TRPM2: variants seen among roughly 807,000 people sequenced by gnomAD.
TRPM2 encodes the protein estrogen-responsive element-associated gene 1 protein.
Under a neutral mutation model 174.0 loss-of-function variants are expected in TRPM2, and 161 were observed. The ratio of observed to expected loss-of-function variants is 0.93; its 90% CI spans 0.81 to 1.05. The LOEUF is 1.05. Among genes scored for constraint, TRPM2 ranks in the 50% least tolerant of loss-of-function variants. The pLI is 0.00. For synonymous variants in TRPM2, 954 were observed against 861.3 expected, an observed-to-expected ratio of 1.11 and a Z score of -1.88; for missense variants, 2,057 against 2,038.0, an observed-to-expected ratio of 1.01 and a Z score of -0.18.
chr21:44,355,785 C>G (rs145873779), intron 2 of TRPM2, among the ~76,000 whole-genome samples: 1 of 151,634 alleles, frequency 6.6e-6, no homozygotes, highest in African/African-American at 2.4e-5. Context: ...CTAGTGTACT[C>G]GGTACATCAT....
chr21:44,425,049 A>G, intron 24 of TRPM2, 110 bp downstream of exon 24: 1 of 974,042 alleles, frequency 1.0e-6, no homozygotes, highest in Middle Eastern at 3.3e-4. Flanking sequence ...TCCAGGAGGA[A>G]GGCACTGGCT....
chr21:44,357,622 C>T (rs2048097314), intron 2 of TRPM2, among the ~76,000 whole-genome samples: 1 of 152,238 alleles, frequency 6.6e-6, no homozygotes, highest in Non-Finnish European at 1.5e-5. Flanking sequence ...CCAGGGCGTG[C>T]ATCCTGCGCT....
intron 22 of TRPM2, chr21:44,422,234 A>T: frequency 6.5e-7 from 1 of 1,532,068 alleles, no homozygotes; most frequent in Non-Finnish European, 8.7e-7. Context: ...TGCAGCACTG[A>T]GGTGAGCTGA....
chr21:44,380,357 T>A (rs1441182895), intron 8 of TRPM2, among the ~76,000 whole-genome samples: 1 of 152,194 alleles, frequency 6.6e-6, no homozygotes, highest in African/African-American at 2.4e-5. Flanking sequence ...GCCGCTCAGC[T>A]CCCCATGTCA....
rs1433617780 is a variant in TRPM2, at chr21:44,436,793, C to A, written c.4062-269C>A. ...AAGCTGGGTCAAAGGGCAGGTACCTCTCTAAGGATTTTAATGTTTAAAAAA... is the reference window on the plus strand; with the variant it reads ...AAGCTGGGTCAAAGGGCAGGTACCTATCTAAGGATTTTAATGTTTAAAAAA... On this transcript the variant is annotated intron_variant, in intron 28 of 31. Coordinates refer to ENST00000397928, the MANE Select transcript of TRPM2 (RefSeq NM_003307.4). Among the ~76,000 whole-genome samples the A allele has an allele frequency of 2.6e-5, 4 of 152,068 alleles. No homozygotes were observed. In the East Asian group the frequency reaches 5.8e-4, roughly 22 times the overall value.
At chr21:44,392,850 C>T (rs2049226374) in intron 11 of TRPM2, among the ~76,000 whole-genome samples, 1 of 152,154 alleles carries the variant, frequency 6.6e-6, no homozygotes, top group African/African-American at 2.4e-5. Context: ...ACAGTCAGGT[C>T]AGTAACATTC....
At chr21:44,400,462 G>A (rs1370515660) in intron 15 of TRPM2, 91 bp downstream of exon 15, 15 of 1,101,374 alleles carry the variant, frequency 1.4e-5, no homozygotes, top group Admixed American at 2.2e-5. Context: ...AGATCCCCTC[G>A]CTGGGAGCAA....
intron 2 of TRPM2, among the ~76,000 whole-genome samples, chr21:44,362,761 C>T (rs1273326687): frequency 6.6e-6 from 1 of 151,934 alleles, no homozygotes; most frequent in Non-Finnish European, 1.5e-5. Context: ...TCCAAACTTC[C>T]TGTCTTTTCT....
rs77821261 is a variant in TRPM2, at chr21:44,379,454, C to T, written c.1215+257C>T. Among the ~76,000 whole-genome samples the T allele has an allele frequency of 2.5e-3, 375 of 152,178 alleles. 3 individuals are homozygous for T. Among genetic ancestry groups the T allele is most frequent in the African/African-American group, 8.1e-3 (335 of 41,496 alleles). ...ACACCAGGGCGGGCTGGGAACGCTG[C>T]GGGGCTCAGTGGTGCTGTGAAAAGG... On this transcript the variant is annotated intron_variant, in intron 8 of 31. Transcript: ENST00000397928.
At chr21:44,441,043 G>A in intron 31 of TRPM2, 138 bp downstream of exon 31, 3 of 737,580 alleles carry the variant, frequency 4.1e-6, no homozygotes, top group Non-Finnish European at 4.7e-6. Flanking sequence ...CCTCCGGGGA[G>A]AGGGAAGGCG....
In TRPM2 at chr21:44,364,278, A is replaced by G. The variant is rs2048296634; in HGVS notation, c.419A>G (p.Lys140Arg). Reference sequence around the variant, plus strand: ...TTCACGGGCCTGAGCCAGAAGGTGAAAAAGGTTGGTTTCCATCACTCTCGC... The same window carrying G: ...TTCACGGGCCTGAGCCAGAAGGTGAGAAAGGTTGGTTTCCATCACTCTCGC... ...IVFTGLSQKV[K>R]KYVRVSQDTP... The change falls in exon 3 of 32, where the codon AAA becomes AGA. Residue 140 changes from lysine to arginine, a missense_variant. Lys to Arg is a conservative substitution (Grantham distance 26). Transcript: ENST00000397928. The G allele has an allele frequency of 1.2e-6, 2 of 1,614,122 alleles. No homozygotes were observed. Among genetic ancestry groups the G allele is most frequent in the Non-Finnish European group, 1.7e-6 (2 of 1,179,994 alleles).
intron 13 of TRPM2, 122 bp downstream of exon 13, chr21:44,397,998 C>T: frequency 8.2e-7 from 1 of 1,212,300 alleles, no homozygotes; most frequent in South Asian, 2.3e-5. Context: ...CCCTGGGCCT[C>T]AGCCCTGCAC....
intron 19 of TRPM2, among the ~76,000 whole-genome samples, chr21:44,409,765 A>G (rs2050032709): frequency 7.2e-6 from 1 of 138,134 alleles, no homozygotes; most frequent in South Asian, 2.4e-4. Context: ...GCCTTGTAGT[A>G]AGTTTTGACT....
In TRPM2 at chr21:44,425,469, C is replaced by T. The variant is rs896533992; in HGVS notation, c.3638-201C>T. On this transcript the variant is annotated intron_variant, in intron 24 of 31. Transcript: ENST00000397928. ...AAAGAGGCAGGTGCCGGCGGGGACG[C>T]TGCCTGAGCTCCCGTGGCTGTCCTC... is the stretch of plus-strand genomic sequence containing the variant. 19 of 525,780 alleles carry T rather than the reference C, an allele frequency of 3.6e-5. No individual in the cohort carries two copies. The African/African-American group carries it at 3.7e-4, about 10-fold the overall frequency. 32.6% of individuals were successfully genotyped at this position (525,780 alleles called of 1,614,324 possible). A position where few individuals can be genotyped will look rare whatever the true frequency, so the allele number is the denominator to read the frequency against.
chr21:44,405,147 CTA>C lies in TRPM2; in HGVS notation c.2546_2547del (p.Tyr849Ter). 6.2e-7 allele frequency: 1 copy of C among 1,613,464 alleles called. No homozygotes were observed. The highest frequency in any genetic ancestry group is 8.5e-7 in the Non-Finnish European group (1 of 1,179,906). On this transcript the variant is annotated frameshift_variant, in exon 17 of 32. Coordinates refer to ENST00000397928, the MANE Select transcript of TRPM2 (RefSeq NM_003307.4). LOFTEE classifies it high-confidence loss of function. ...ACCGCCCCTCTTCCCAGTAGCTCTT[CTA>C]TGACCCTGACGAGTGCGGGCTGATG... Reference protein sequence around the residue: ...LVCEEMRQLFYDPDECGLMKK... With the variant: ...LVCEEMRQLFXDPDECGLMKK...
chr21:44,371,598 G>A (rs961227477), intron 5 of TRPM2, among the ~76,000 whole-genome samples: 4 of 152,190 alleles, frequency 2.6e-5, no homozygotes, highest in Non-Finnish European at 5.9e-5. Context: ...CAAGAGTTCC[G>A]TAAGAACACT....
chr21:44,435,443 C>T (rs1003853192), intron 28 of TRPM2, among the ~76,000 whole-genome samples: 1 of 152,018 alleles, frequency 6.6e-6, no homozygotes, highest in Non-Finnish European at 1.5e-5. Flanking sequence ...ATCCCAGGAC[C>T]CATCCCCTCT....
At chr21:44,350,947 G>T (rs2122996466), upstream of TRPM2, among the ~76,000 whole-genome samples, 1 of 152,308 alleles carries the variant, frequency 6.6e-6, no homozygotes, top group East Asian at 1.9e-4. Flanking sequence ...CCCCGCACCC[G>T]CCTCTGCCTG....
At position 44,379,065 on chromosome 21, in the gene TRPM2, C is replaced by T. The variant is rs539603585; in HGVS notation, c.1083C>T (p.Asp361=). 3.3e-5 allele frequency: 54 copies of T among 1,612,426 alleles called. No individual in the cohort carries two copies. The highest frequency in any genetic ancestry group is 1.5e-4 in the African/African-American group (11 of 75,034). The change falls in exon 8 of 32, where the codon GAC becomes GAT. Residue 361 remains aspartate (D), a synonymous_variant. Coordinates refer to ENST00000397928, the MANE Select transcript of TRPM2 (RefSeq NM_003307.4). ...VVVEGSGRVA[D]VIAQVANLPV... ...TGGAGGGCTCGGGCCGCGTGGCCGA[C>T]GTCATTGCCCAGGTGGCCAACCTGC...
Sources: allele counts gnomAD v4.1 joint callset (sites outside exome capture counted in the v4.1 genomes callset), GRCh38; gene constraint gnomAD v4.1.1; transcripts MANE v1.5; gene names NCBI Gene and HGNC (gene_info 2026-07-23, HGNC 2026-07-21).